Variants in RGS6 observed in about 807,000 individuals in gnomAD.
The protein encoded by RGS6 is regulator of G protein signaling 6.
In RGS6, 30 loss-of-function variants were observed where a neutral mutation model predicts 78.5. The ratio of observed to expected loss-of-function variants is 0.38; its 90% CI spans 0.29 to 0.52. The LOEUF (loss-of-function observed/expected upper bound fraction) is 0.52. Among genes scored for constraint, RGS6 ranks in the 20% least tolerant of loss-of-function variants. The pLI is 0.85. For missense variants in RGS6, 495 were observed against 609.7 expected (o/e 0.81, Z 1.98); for synonymous variants, 206 against 206.0 (o/e 1.00, Z 0.00).
At chr14:72,067,938 A>G (rs973666272) in intron 2 of RGS6, among the ~76,000 whole-genome samples, 6 of 152,152 alleles carry the variant, frequency 3.9e-5, no homozygotes, top group Non-Finnish European at 5.9e-5. Flanking sequence ...CTGAATCACA[A>G]TCTGCATTTT....
chr14:72,425,736 T>C (rs2094408007), intron 3 of RGS6, among the ~76,000 whole-genome samples: 1 of 152,212 alleles, frequency 6.6e-6, no homozygotes, highest in Non-Finnish European at 1.5e-5. Context: ...GAAAGCTGGT[T>C]GTATGGTATG....
intron 2 of RGS6, among the ~76,000 whole-genome samples, chr14:72,253,460 T>C (rs2056325786): frequency 6.6e-6 from 1 of 152,248 alleles, no homozygotes; most frequent in Non-Finnish European, 1.5e-5. Context: ...TATTTTAGGC[T>C]TGTGGGCCAT....
intron 2 of RGS6, among the ~76,000 whole-genome samples, chr14:72,213,046 T>C (rs886376866): frequency 6.6e-6 from 1 of 152,180 alleles, no homozygotes; most frequent in African/African-American, 2.4e-5. Flanking sequence ...TGGAGGGTAG[T>C]CCCAAGCTAA....
the RGS6 span, among the ~76,000 whole-genome samples, chr14:71,910,180 A>C: frequency 6.7e-6 from 1 of 148,916 alleles, no homozygotes; most frequent in African/African-American, 2.5e-5. Context: ...ACAGAGCGAG[A>C]CTCTGTCTTA....
In RGS6 at chr14:72,536,232, T is replaced by G; in HGVS notation, c.1325T>G (p.Leu442Arg). 6.2e-7 allele frequency: 1 copy of G among 1,613,990 alleles called. No homozygotes were observed. The highest frequency in any genetic ancestry group is 8.5e-7 in the Non-Finnish European group (1 of 1,179,902). The change falls in exon 16 of 18, where the codon CTC becomes CGC. Residue 442 changes from leucine to arginine, a missense_variant. Coordinates refer to ENST00000553525, the MANE Select transcript of RGS6 (RefSeq NM_001204424.2). ...LMKSDSYARFLRSNAYQDLLL... is the reference protein window; with the variant it reads ...LMKSDSYARFRRSNAYQDLLL... ...AAGAGTGACAGCTATGCCCGCTTCC[T>G]CCGGTCAAATGCTTACCAGGATTTG...
intron 2 of RGS6, among the ~76,000 whole-genome samples, chr14:72,152,765 T>C (rs2096712849): frequency 6.6e-6 from 1 of 152,174 alleles, no homozygotes; most frequent in Non-Finnish European, 1.5e-5. Flanking sequence ...ACTAGAGCTA[T>C]AAAATGTCCT....
intron 2 of RGS6, among the ~76,000 whole-genome samples, chr14:71,990,338 C>T (rs751526504): frequency 8.5e-5 from 13 of 152,190 alleles, no homozygotes; most frequent in Non-Finnish European, 1.6e-4. Flanking sequence ...AAAAGCAGAT[C>T]CCCATTCGTG....
At chr14:72,394,558 C>T (rs1335579940) in intron 3 of RGS6, among the ~76,000 whole-genome samples, 5 of 152,182 alleles carry the variant, frequency 3.3e-5, no homozygotes, top group African/African-American at 9.7e-5. Context: ...AAAAAGACTT[C>T]AGCAATATTT....
chr14:72,395,280 G>T (rs181894683), intron 3 of RGS6, among the ~76,000 whole-genome samples: 1 of 151,990 alleles, frequency 6.6e-6, no homozygotes, highest in Non-Finnish European at 1.5e-5. Context: ...GCATTAAGTG[G>T]ACTTCATTTC....
intron 2 of RGS6, among the ~76,000 whole-genome samples, chr14:72,089,681 G>A (rs907978687): frequency 2.0e-5 from 3 of 152,242 alleles, no homozygotes; most frequent in Non-Finnish European, 4.4e-5. Context: ...AACATTTTAT[G>A]TATTTTGCAT....
the RGS6 span, among the ~76,000 whole-genome samples, chr14:72,586,429 G>A: frequency 6.6e-6 from 1 of 152,168 alleles, no homozygotes; most frequent in South Asian, 2.1e-4. Flanking sequence ...CTTCCACCAT[G>A]GGTGGAAGCA....
intron 3 of RGS6, among the ~76,000 whole-genome samples, chr14:72,402,846 G>C (rs1232057438): frequency 8.5e-6 from 1 of 117,882 alleles, no homozygotes; most frequent in Non-Finnish European, 1.6e-5. Flanking sequence ...GCCTAGTCTA[G>C]AGTGCAATGG....
intron 17 of RGS6, among the ~76,000 whole-genome samples, chr14:72,543,240 G>A (rs2097349851): frequency 6.6e-6 from 1 of 152,236 alleles, no homozygotes; most frequent in Admixed American, 6.5e-5. Flanking sequence ...CAGCCTCACA[G>A]ATGCCCAGCT....
At chr14:72,450,718 C>G (rs1566878642) in intron 3 of RGS6, among the ~76,000 whole-genome samples, 1 of 151,948 alleles carries the variant, frequency 6.6e-6, no homozygotes, top group South Asian at 2.1e-4. Flanking sequence ...TTAGATAGAA[C>G]AGAAAAGGAA....
chr14:72,566,342 CTCCA>C lies in RGS6; in HGVS notation c.*3877_*3880del, dbSNP rs1730375273. 6.6e-6 allele frequency: 1 copy of C among 152,220 alleles called. No homozygotes were observed. The highest frequency in any genetic ancestry group is 1.5e-5 in the Non-Finnish European group (1 of 68,066). 9.4% of individuals were successfully genotyped at this position (152,220 alleles called of 1,614,324 possible). A position where few individuals can be genotyped will look rare whatever the true frequency, so the allele number is the denominator to read the frequency against. ...AGCTGTCTGGGGAGGGAAGGCCCTG[CTCCA>C]TACCAGGGGTCCCTGTTCTATACTC... On this transcript the variant is annotated 3_prime_UTR_variant, in exon 18 of 18. Transcript: ENST00000553525.
intron 2 of RGS6, among the ~76,000 whole-genome samples, chr14:72,079,945 A>G (rs2094747481): frequency 6.6e-6 from 1 of 152,104 alleles, no homozygotes; most frequent in Non-Finnish European, 1.5e-5. Context: ...GTTTTTGAAC[A>G]CTTAGGTGGA....
At chr14:72,187,127 T>C (rs2097258252) in intron 2 of RGS6, among the ~76,000 whole-genome samples, 1 of 152,262 alleles carries the variant, frequency 6.6e-6, no homozygotes, top group Non-Finnish European at 1.5e-5. Flanking sequence ...TTGTTGGTTA[T>C]TCAAATATCC....
intron 2 of RGS6, among the ~76,000 whole-genome samples, chr14:72,136,558 G>T (rs148785810): frequency 2.0e-5 from 3 of 152,116 alleles, no homozygotes; most frequent in African/African-American, 7.2e-5. Context: ...TTATAAAACC[G>T]TAAGATTTCA....
intron 3 of RGS6, among the ~76,000 whole-genome samples, chr14:72,415,382 G>T (rs55833540): frequency 0.028 from 4,200 of 152,314 alleles, 202 homozygotes; most frequent in African/African-American, 0.096. Context: ...TGTTAAGCCC[G>T]TTGGAAAAGG....
Sources: gnomAD v4.1 joint callset for allele counts (sites outside exome capture counted in the v4.1 genomes callset) on GRCh38, gnomAD v4.1.1 for gene constraint, MANE v1.5 for transcripts, NCBI Gene and HGNC (gene_info 2026-07-23, HGNC 2026-07-21) for gene names.